HDLBP: variants seen among roughly 807,000 people sequenced by gnomAD.
HDLBP encodes the protein vigilin.
HDLBP carries 30 observed loss-of-function variants against 137.3 expected under a neutral mutation model. That is an observed-to-expected ratio of 0.22 (90% CI 0.16 to 0.30). The LOEUF (loss-of-function observed/expected upper bound fraction) is 0.30. Ranked by LOEUF, HDLBP falls within the 10% of genes least tolerant of loss-of-function variation. The probability of loss-of-function intolerance (pLI) is 1.00; values close to 1 mark genes in which losing one functional copy is unlikely to be tolerated. For missense variants in HDLBP, 1,119 were observed against 1,667.3 expected (o/e 0.67, Z 5.73); for synonymous variants, 606 against 596.0 (o/e 1.02, Z -0.24).
chr2:241,270,475 A>G (rs2073967281), intron 1 of HDLBP, among the ~76,000 whole-genome samples: 1 of 152,190 alleles, frequency 6.6e-6, no homozygotes, highest in African/African-American at 2.4e-5. Context: ...TTTCTTCTAA[A>G]CAACTCAAAA....
At chr2:241,251,867 C>G (rs1328529629) in intron 11 of HDLBP, among the ~76,000 whole-genome samples, 2 of 152,174 alleles carry the variant, frequency 1.3e-5, no homozygotes, top group Non-Finnish European at 2.9e-5. Context: ...ATCCCAGCTA[C>G]TTGGGAGGCT....
In HDLBP at chr2:241,239,422, T is replaced by C. The variant is rs1266708039; in HGVS notation, c.2610+180A>G. Among the ~76,000 whole-genome samples, 2 of 151,812 alleles carry C rather than the reference T, an allele frequency of 1.3e-5. No individual in the cohort carries two copies. Among genetic ancestry groups the C allele is most frequent in the Admixed American group, 6.6e-5 (1 of 15,242 alleles). ...TCGCAGGCAGAATTCTCACCAACTATCAGGAAGGAGGCCAGACAGGCTGAG... is the reference window on the plus strand; with the variant it reads ...TCGCAGGCAGAATTCTCACCAACTACCAGGAAGGAGGCCAGACAGGCTGAG... On this transcript the variant is annotated intron_variant, in intron 19 of 27. Coordinates refer to ENST00000310931, the MANE Select transcript of HDLBP (RefSeq NM_005336.6). This position sits in a 1 kb window ranked among gnomAD's most constrained non-coding sequence, Gnocchi z 4.6.
rs1229852278 is a variant in HDLBP, at chr2:241,278,842, C to G, written c.-102-10301G>C. Among the ~76,000 whole-genome samples, 5 of 152,094 alleles carry G rather than the reference C, an allele frequency of 3.3e-5. No individual in the cohort carries two copies. In the South Asian group the frequency reaches 8.3e-4, roughly 25 times the overall value. On this transcript the variant is annotated intron_variant, in intron 1 of 27. Transcript: ENST00000310931. ...CAATACACACAATCAATTATGTTTC[C>G]AAAACACCAGCAACAAACTATTAAA...
intron 10 of HDLBP, 46 bp downstream of exon 10, chr2:241,253,347 G>T: frequency 7.5e-7 from 1 of 1,328,290 alleles, no homozygotes; most frequent in Non-Finnish European, 1.1e-6. Flanking sequence ...CCAACTCAGA[G>T]CCTCCCTTGT....
At chr2:241,247,298 T>A (rs1437912693) in intron 14 of HDLBP, 156 bp from the exon 15 acceptor site, 2 of 619,536 alleles carry the variant, frequency 3.2e-6, no homozygotes, top group African/African-American at 3.7e-5. Context: ...AGATAGATCA[T>A]TTGTCCAACA....
At chr2:241,270,379 A>T (rs370077998) in intron 1 of HDLBP, among the ~76,000 whole-genome samples, 2 of 152,234 alleles carry the variant, frequency 1.3e-5, no homozygotes, top group East Asian at 3.8e-4. Context: ...TCCAAGTGGC[A>T]GTTTGTCAGA....
At chr2:241,288,501 C>T (rs2074908086) in intron 1 of HDLBP, among the ~76,000 whole-genome samples, 1 of 152,174 alleles carries the variant, frequency 6.6e-6, no homozygotes, top group African/African-American at 2.4e-5. Flanking sequence ...AAAAAATGGG[C>T]AGAGCTTATT....
At chr2:241,307,824 T>C (rs963904820) in intron 1 of HDLBP, among the ~76,000 whole-genome samples, 4 of 152,074 alleles carry the variant, frequency 2.6e-5, no homozygotes, top group African/African-American at 9.7e-5. Context: ...ACATGTTGAG[T>C]GGAGTAAACA....
At position 241,241,566 on chromosome 2, in the gene HDLBP, C is replaced by CAAAAAAA. The variant is rs56864201; in HGVS notation, c.2169+887_2169+893dup. Among the ~76,000 whole-genome samples the CAAAAAAA allele has an allele frequency of 9.5e-5, 3 of 31,470 alleles. 1 individual carries two copies. The highest frequency in any genetic ancestry group is 5.2e-4 in the African/African-American group (3 of 5,818). The allele number at this position is 31,470 out of a possible 152,430, so 20.6% of individuals were successfully genotyped here. ...TGGGCGACAGAGCAAGACTCCGTCT[C>CAAAAAAA]AAAAAAAAAAAAAAAAAAAAAAAAA... is the stretch of plus-strand genomic sequence containing the variant. On this transcript the variant is annotated intron_variant, in intron 17 of 27. Transcript: ENST00000310931.
intron 11 of HDLBP, 79 bp from the exon 12 acceptor site, chr2:241,250,059 C>T (rs2072005179): frequency 1.5e-6 from 2 of 1,367,824 alleles, no homozygotes; most frequent in Admixed American, 4.9e-5. Context: ...CAGGACAGCG[C>T]TAAAGCGCTA....
chr2:241,309,088 T>C (rs903728565), intron 1 of HDLBP, among the ~76,000 whole-genome samples: 7 of 152,234 alleles, frequency 4.6e-5, no homozygotes, highest in Non-Finnish European at 8.8e-5. Context: ...ATGGCTTGTT[T>C]GCTCATCTCA....
At chr2:241,231,320 G>A (rs1334199542) in intron 24 of HDLBP, 2 of 161,544 alleles carry the variant, frequency 1.2e-5, no homozygotes, top group African/African-American at 4.9e-5. Context: ...GGAGGCGGAG[G>A]TTGCTGTGAG....
rs1344560181 is a variant in HDLBP at position 241,227,717 on chromosome 2, AG to A, written c.*1883del. 2 of 152,712 alleles carry A rather than the reference AG, an allele frequency of 1.3e-5. No homozygotes were observed. The highest frequency in any genetic ancestry group is 3.9e-4 in the East Asian group (2 of 5,170). 9.5% of individuals were successfully genotyped at this position (152,712 alleles called of 1,614,324 possible). Reference sequence around the variant, plus strand: ...AGGATGTTTTATGACACTGTAGAAAAGACAGGAGGAACCCGCTGCGATGGAG... The same window carrying A: ...AGGATGTTTTATGACACTGTAGAAAAACAGGAGGAACCCGCTGCGATGGAG... On this transcript the variant is annotated 3_prime_UTR_variant, in exon 28 of 28. Transcript: ENST00000310931.
At chr2:241,307,277 C>T (rs1039133682) in intron 1 of HDLBP, among the ~76,000 whole-genome samples, 1 of 152,190 alleles carries the variant, frequency 6.6e-6, no homozygotes, top group African/African-American at 2.4e-5. Flanking sequence ...CTGAAAAACG[C>T]TTATTTGAAA....
chr2:241,235,598 C>G lies in HDLBP; in HGVS notation c.2905-4G>C, dbSNP rs529783497. On this transcript the variant is annotated splice_region_variant and splice_polypyrimidine_tract_variant and intron_variant, in intron 21 of 27. Coordinates refer to ENST00000310931, the MANE Select transcript of HDLBP (RefSeq NM_005336.6). Reference sequence around the variant, plus strand: ...CAATGGTGACAGGAACCAATGCCTGCAGGGAGGATGGTCATGGTTAGGCCG... The same window carrying G: ...CAATGGTGACAGGAACCAATGCCTGGAGGGAGGATGGTCATGGTTAGGCCG... The G allele has an allele frequency of 6.2e-7, 1 of 1,606,664 alleles. No individual in the cohort carries two copies. Among genetic ancestry groups the G allele is most frequent in the Admixed American group, 1.7e-5 (1 of 59,982 alleles).
At position 241,272,072 on chromosome 2, in the gene HDLBP, C is replaced by T; in HGVS notation, c.-102-3531G>A. The T allele has an allele frequency of 1.9e-6, 1 of 532,240 alleles. No individual in the cohort carries two copies. Among genetic ancestry groups the T allele is most frequent in the Non-Finnish European group, 2.4e-6 (1 of 415,512 alleles). The allele number at this position is 532,240 out of a possible 1,614,324, so 33.0% of individuals were successfully genotyped here. The stretch of plus-strand genomic sequence containing the variant: ...CCCCGCCTTTCATCCAAATTCGGTA[C>T]TTTTCCGTAATGTATTTTTCATCCA... On this transcript the variant is annotated intron_variant, in intron 1 of 27. Coordinates refer to ENST00000310931, the MANE Select transcript of HDLBP (RefSeq NM_005336.6). The surrounding 1 kb of genome is among the most constrained non-coding windows in gnomAD (Gnocchi z 5.6).
chr2:241,260,046 C>A (rs2073029336), intron 5 of HDLBP, among the ~76,000 whole-genome samples: 1 of 152,152 alleles, frequency 6.6e-6, no homozygotes, highest in African/African-American at 2.4e-5. Flanking sequence ...TCCTGTTGCA[C>A]AGGCTGGAGT....
intron 1 of HDLBP, among the ~76,000 whole-genome samples, chr2:241,313,339 C>G (rs533571860): frequency 6.6e-6 from 1 of 152,220 alleles, no homozygotes; most frequent in East Asian, 1.9e-4. Flanking sequence ...GAGTGCAGTG[C>G]TACAATCTCG....
At chr2:241,285,689 G>T (rs912739030) in intron 1 of HDLBP, among the ~76,000 whole-genome samples, 14 of 152,070 alleles carry the variant, frequency 9.2e-5, no homozygotes, top group African/African-American at 2.7e-4. Flanking sequence ...TTTATCTATG[G>T]ATATTAAATT....
Sources: gnomAD v4.1 joint callset for allele counts (sites outside exome capture counted in the v4.1 genomes callset) on GRCh38, gnomAD v4.1.1 for gene constraint, Gnocchi (gnomAD v3.1) non-coding constraint, MANE v1.5 for transcripts, NCBI Gene and HGNC (gene_info 2026-07-23, HGNC 2026-07-21) for gene names.